Variants in TAFA2 observed in about 807,000 individuals in gnomAD.
TAFA2 encodes the protein chemokine-like protein TAFA-2.
TAFA2 carries 7 observed loss-of-function variants against 18.8 expected under a neutral mutation model. The observed-to-expected ratio is 0.37, with a 90% confidence interval of 0.21 to 0.70. The LOEUF (loss-of-function observed/expected upper bound fraction) is 0.70, where lower values mean the gene tolerates loss of function less well. Ranked by LOEUF, TAFA2 falls within the 30% of genes least tolerant of loss-of-function variation. TAFA2 has a pLI of 0.53. For synonymous variants in TAFA2, 60 were observed against 54.2 expected, an observed-to-expected ratio of 1.11 and a Z score of -0.47; for missense variants, 122 against 158.1, an observed-to-expected ratio of 0.77 and a Z score of 1.23.
chr12:62,104,206 C>T (rs532899652), intron 1 of TAFA2, among the ~76,000 whole-genome samples: 38 of 151,740 alleles, frequency 2.5e-4, no homozygotes, highest in Non-Finnish European at 4.7e-4. Flanking sequence ...AAGTGACAAA[C>T]GTGCCATTTA....
At chr12:61,929,104 C>T (rs372761700) in intron 1 of TAFA2, among the ~76,000 whole-genome samples, 1 of 151,482 alleles carries the variant, frequency 6.6e-6, no homozygotes, top group East Asian at 1.9e-4. Flanking sequence ...ACATGTATAC[C>T]TATGTAACAA....
At position 61,838,757 on chromosome 12, in the gene TAFA2, G is replaced by A. The variant is rs961686115; in HGVS notation, c.106+28563C>T. On this transcript the variant is annotated intron_variant, in intron 2 of 4. Transcript: ENST00000416284. ...CTATTGTATGCCAGGTCTTGCAGAAGTAGAGTGGAGTGAGGGGCAGCAGAA... is the reference window on the plus strand; with the variant it reads ...CTATTGTATGCCAGGTCTTGCAGAAATAGAGTGGAGTGAGGGGCAGCAGAA... Among the ~76,000 whole-genome samples the A allele has an allele frequency of 4.6e-5, 7 of 152,086 alleles. No homozygotes were observed. The East Asian group carries it at 5.8e-4, about 13-fold the overall frequency.
At chr12:61,853,679 A>G (rs1873770175) in intron 2 of TAFA2, among the ~76,000 whole-genome samples, 2 of 152,190 alleles carry the variant, frequency 1.3e-5, no homozygotes, top group Non-Finnish European at 2.9e-5. Flanking sequence ...ACTATCCATC[A>G]TTCCACATCA....
chr12:62,174,294 G>A (rs988248181), intron 1 of TAFA2, among the ~76,000 whole-genome samples: 2 of 152,088 alleles, frequency 1.3e-5, no homozygotes, highest in South Asian at 2.1e-4. Context: ...CCAGCTGGGC[G>A]ACAGGGTGAG....
At chr12:61,887,689 G>GT (rs1367222323) in intron 1 of TAFA2, among the ~76,000 whole-genome samples, 3 of 148,378 alleles carry the variant, frequency 2.0e-5, no homozygotes, top group African/African-American at 7.5e-5. Flanking sequence ...GCAGTGTTTG[G>GT]TTTTTTGTTC....
At chr12:62,058,485 A>C (rs1330364389) in intron 1 of TAFA2, among the ~76,000 whole-genome samples, 3 of 152,238 alleles carry the variant, frequency 2.0e-5, no homozygotes, top group African/African-American at 7.2e-5. Flanking sequence ...TACAGCAGTG[A>C]ATAATTCCGT....
At chr12:62,106,119 G>T (rs1869438773) in intron 1 of TAFA2, among the ~76,000 whole-genome samples, 1 of 151,990 alleles carries the variant, frequency 6.6e-6, no homozygotes, top group Admixed American at 6.6e-5. Flanking sequence ...GATCACCTCA[G>T]GTCAGGAGTT....
intron 1 of TAFA2, among the ~76,000 whole-genome samples, chr12:61,954,036 G>A (rs900692197): frequency 1.3e-5 from 2 of 152,058 alleles, no homozygotes; most frequent in African/African-American, 4.8e-5. Flanking sequence ...ATATTGCATA[G>A]TGGTGAAGTC....
chr12:62,041,238 T>C (rs1881749551), intron 1 of TAFA2, among the ~76,000 whole-genome samples: 1 of 152,122 alleles, frequency 6.6e-6, no homozygotes. Flanking sequence ...CTTTCATCGG[T>C]CAGAAAACAC....
At chr12:62,051,229 C>T (rs1882044120) in intron 1 of TAFA2, among the ~76,000 whole-genome samples, 1 of 152,190 alleles carries the variant, frequency 6.6e-6, no homozygotes, top group Non-Finnish European at 1.5e-5. Context: ...CTATCTTCAA[C>T]CCAGTGAGGC....
chr12:62,019,400 C>G (rs1248997458), intron 1 of TAFA2, among the ~76,000 whole-genome samples: 2 of 76,526 alleles, frequency 2.6e-5, no homozygotes, highest in African/African-American at 1.1e-4. Context: ...GCACTATTCA[C>G]AATAGCAAAG....
intron 1 of TAFA2, among the ~76,000 whole-genome samples, chr12:62,095,486 A>C (rs1271647956): frequency 6.6e-6 from 1 of 152,170 alleles, no homozygotes; most frequent in Non-Finnish European, 1.5e-5. Context: ...CATAGCAATG[A>C]ATAACATTAA....
At chr12:62,032,579 T>A (rs1881487987) in intron 1 of TAFA2, among the ~76,000 whole-genome samples, 1 of 152,154 alleles carries the variant, frequency 6.6e-6, no homozygotes, top group Non-Finnish European at 1.5e-5. Flanking sequence ...GCATTGGTAA[T>A]CATGTCATTA....
chr12:61,766,021 T>C (rs552983111), intron 2 of TAFA2, among the ~76,000 whole-genome samples: 4 of 152,054 alleles, frequency 2.6e-5, no homozygotes, highest in Non-Finnish European at 5.9e-5. Flanking sequence ...CTGCCTTTTG[T>C]AAACCCTTTT....
At chr12:61,943,938 T>A (rs1878152326) in intron 1 of TAFA2, among the ~76,000 whole-genome samples, 1 of 144,628 alleles carries the variant, frequency 6.9e-6, no homozygotes, top group Non-Finnish European at 1.5e-5. Flanking sequence ...TAAACTCAGC[T>A]CTGCACCAAG....
intron 2 of TAFA2, among the ~76,000 whole-genome samples, chr12:61,764,749 A>C (rs146092925): frequency 3.5e-4 from 54 of 152,246 alleles, no homozygotes; most frequent in African/African-American, 1.3e-3. Context: ...CTTCAAACTA[A>C]AACAAATTAA....
At chr12:61,943,637 A>T (rs1048288452) in intron 1 of TAFA2, among the ~76,000 whole-genome samples, 8 of 152,128 alleles carry the variant, frequency 5.3e-5, no homozygotes, top group Non-Finnish European at 1.0e-4. Flanking sequence ...AAACAAAAAA[A>T]GGCAGGGATT....
chr12:61,922,768 G>A (rs561367822), intron 1 of TAFA2, among the ~76,000 whole-genome samples: 2 of 152,274 alleles, frequency 1.3e-5, no homozygotes, highest in East Asian at 1.9e-4. Flanking sequence ...CCCATGGAAA[G>A]GGAGATGAAG....
intron 1 of TAFA2, among the ~76,000 whole-genome samples, chr12:62,105,308 T>C (rs1188431129): frequency 2.0e-5 from 3 of 152,224 alleles, no homozygotes; most frequent in South Asian, 2.1e-4. Flanking sequence ...GCAATGATTA[T>C]TGATAATGTA....
Sources: allele counts gnomAD v4.1 joint callset (sites outside exome capture counted in the v4.1 genomes callset), GRCh38; gene constraint gnomAD v4.1.1; transcripts MANE v1.5; gene names NCBI Gene and HGNC (gene_info 2026-07-23, HGNC 2026-07-21).